Variants in EDDM13 observed in about 807,000 individuals in gnomAD.
EDDM13 encodes the protein epididymal protein 13.
In EDDM13, 24 loss-of-function variants were observed where a neutral mutation model predicts 17.8. That is an observed-to-expected ratio of 1.35 (90% CI 0.98 to 1.90). EDDM13 has a LOEUF of 1.90. Ranked by LOEUF, EDDM13 falls within the 40% of genes most tolerant of loss-of-function variation. The pLI, the probability that EDDM13 is intolerant of heterozygous loss-of-function variation, is 0.00. For synonymous variants in EDDM13, 31 were observed against 37.5 expected (o/e 0.83, Z 0.63); for missense variants, 97 against 100.8 (o/e 0.96, Z 0.16).
intron 2 of EDDM13, among the ~76,000 whole-genome samples, chr19:56,279,803 ACT>A (rs1431986231): frequency 6.6e-6 from 1 of 152,096 alleles, no homozygotes; most frequent in Non-Finnish European, 1.5e-5. Context: ...CATGATCCAC[ACT>A]GTTTTTGTTT....
chr19:56,288,686 T>C (rs1201302924), intron 7 of EDDM13, among the ~76,000 whole-genome samples, 188 bp from the exon 8 acceptor site: 2 of 152,168 alleles, frequency 1.3e-5, no homozygotes, highest in Non-Finnish European at 2.9e-5. Context: ...AGTGCTTAAG[T>C]CTGTGTCTTC....
chr19:56,285,772 C>T (rs2039069727), intron 6 of EDDM13, among the ~76,000 whole-genome samples: 1 of 152,166 alleles, frequency 6.6e-6, no homozygotes, highest in Non-Finnish European at 1.5e-5. Flanking sequence ...AGCCATCACG[C>T]CCAGCCCAGT....
chr19:56,304,868 G>A, intron 14 of EDDM13, 38 bp downstream of exon 14: 1 of 916,124 alleles, frequency 1.1e-6, no homozygotes, highest in Non-Finnish European at 1.3e-6. Flanking sequence ...TCCCACCGCT[G>A]GGGTGGGGTT....
At chr19:56,284,267 C>CTGTAATTTTTTTTTTTTT in intron 5 of EDDM13, 61 bp downstream of exon 5, 1 of 754,676 alleles carries the variant, frequency 1.3e-6, no homozygotes, top group Non-Finnish European at 1.6e-6. Context: ...AAATTTTGGG[C>CTGTAATTTTTTTTTTTTT]TTTGCTCTAG....
intron 4 of EDDM13, chr19:56,283,899 G>A (rs1600180135): frequency 6.6e-6 from 1 of 152,160 alleles, no homozygotes; most frequent in East Asian, 1.9e-4. Flanking sequence ...TAGCATGAAT[G>A]AAGAACGGTT....
chr19:56,299,172 C>A (rs2040070586), intron 12 of EDDM13, among the ~76,000 whole-genome samples: 1 of 151,942 alleles, frequency 6.6e-6, no homozygotes, highest in South Asian at 2.1e-4. Flanking sequence ...AGCTTTGTTG[C>A]CCAGGCTGGA....
At chr19:56,302,159 G>T in intron 13 of EDDM13, 64 bp downstream of exon 13, 1 of 1,180,164 alleles carries the variant, frequency 8.5e-7, no homozygotes, top group South Asian at 4.3e-5. Flanking sequence ...AGGGAAGTGG[G>T]GGCACAGAGG....
intron 13 of EDDM13, among the ~76,000 whole-genome samples, chr19:56,303,761 G>A (rs1479045614): frequency 3.9e-5 from 6 of 152,136 alleles, no homozygotes; most frequent in African/African-American, 1.4e-4. Context: ...AACTAAATCA[G>A]GGTGATATCA....
chr19:56,305,800 G>A (rs866507002), intron 14 of EDDM13, among the ~76,000 whole-genome samples: 2 of 152,114 alleles, frequency 1.3e-5, no homozygotes, highest in Admixed American at 6.6e-5. Flanking sequence ...GGGTGATGAA[G>A]GAAAGCCTCT....
At chr19:56,290,723 A>G (rs1436215552) in intron 8 of EDDM13, among the ~76,000 whole-genome samples, 118 bp from the exon 9 acceptor site, 4 of 152,138 alleles carry the variant, frequency 2.6e-5, no homozygotes, top group Non-Finnish European at 5.9e-5. Flanking sequence ...AACAGTTTAA[A>G]ATAGTTTTAC....
At chr19:56,279,020 T>G (rs2038476989) in intron 2 of EDDM13, among the ~76,000 whole-genome samples, 1 of 152,214 alleles carries the variant, frequency 6.6e-6, no homozygotes, top group African/African-American at 2.4e-5. Context: ...CAGACACACC[T>G]GGGGCAGCCC....
chr19:56,294,836 C>T (rs911177290), intron 9 of EDDM13, among the ~76,000 whole-genome samples: 1 of 152,208 alleles, frequency 6.6e-6, no homozygotes, highest in Non-Finnish European at 1.5e-5. Flanking sequence ...ACAACATAAA[C>T]GCGCCTTGAA....
intron 9 of EDDM13, among the ~76,000 whole-genome samples, chr19:56,293,831 G>A (rs1218381021): frequency 6.6e-6 from 1 of 152,044 alleles, no homozygotes; most frequent in Non-Finnish European, 1.5e-5. Flanking sequence ...ATCCTACAAT[G>A]CACAGGACAC....
At chr19:56,293,775 G>A (rs1600211279) in intron 9 of EDDM13, among the ~76,000 whole-genome samples, 3 of 152,146 alleles carry the variant, frequency 2.0e-5, no homozygotes, top group East Asian at 3.9e-4. Flanking sequence ...GGTGGTAGGG[G>A]AGGCTAACGG....
chr19:56,282,488 C>G lies in EDDM13; in HGVS notation c.110-3C>G. On this transcript the variant is annotated splice_region_variant and splice_polypyrimidine_tract_variant and intron_variant, in intron 3 of 14. Coordinates refer to ENST00000649256, the MANE Select transcript of EDDM13 (RefSeq NM_001354658.2). ...GTCCTTCCTGCTGCTTGTCTGCCAA[C>G]AGTGCTGAAAGGTAAGCTTCTCATT... is the stretch of plus-strand genomic sequence containing the variant. The G allele has an allele frequency of 2.0e-6, 2 of 985,378 alleles. No individual in the cohort carries two copies. The highest frequency in any genetic ancestry group is 2.4e-6 in the Non-Finnish European group (2 of 829,922). The allele number at this position is 985,378 out of a possible 1,614,324, so 61.0% of individuals were successfully genotyped here. A position where few individuals can be genotyped will look rare whatever the true frequency, so the allele number is the denominator to read the frequency against.
At chr19:56,281,581 A>C (rs1042385713) in intron 2 of EDDM13, 112 bp from the exon 3 acceptor site, 17 of 465,702 alleles carry the variant, frequency 3.7e-5, no homozygotes, top group African/African-American at 3.2e-4. Flanking sequence ...TGAAGGAATA[A>C]AGAAATGCAT....
At chr19:56,289,706 C>G (rs1329777943) in intron 8 of EDDM13, among the ~76,000 whole-genome samples, 1 of 152,108 alleles carries the variant, frequency 6.6e-6, no homozygotes, top group Non-Finnish European at 1.5e-5. Context: ...TTAGACCCCC[C>G]AGGCTCAAGC....
intron 14 of EDDM13, among the ~76,000 whole-genome samples, chr19:56,308,297 G>T (rs1009370596): frequency 6.6e-6 from 1 of 151,738 alleles, no homozygotes; most frequent in African/African-American, 2.4e-5. Flanking sequence ...CTCCCAAAGT[G>T]CTGGGATTAC....
At chr19:56,289,753 AC>A (rs2039389216) in intron 8 of EDDM13, among the ~76,000 whole-genome samples, 1 of 152,172 alleles carries the variant, frequency 6.6e-6, no homozygotes, top group Admixed American at 6.5e-5. Context: ...AGCTGAGACT[AC>A]AGGTGCACAC....
Sources: gnomAD v4.1 joint callset for allele counts (sites outside exome capture counted in the v4.1 genomes callset) on GRCh38, gnomAD v4.1.1 for gene constraint, MANE v1.5 for transcripts, NCBI Gene and HGNC (gene_info 2026-07-23, HGNC 2026-07-21) for gene names.